The following DNAAF5 variants were observed in gnomAD, a reference collection of about 807,000 sequenced individuals.
The protein encoded by DNAAF5 is HEAT repeat containing 2.
In DNAAF5, 64 loss-of-function variants were observed where a neutral mutation model predicts 75.8. The observed-to-expected ratio is 0.84, with a 90% CI of 0.69 to 1.04. DNAAF5 has a LOEUF of 1.04. Among genes scored for constraint, DNAAF5 ranks in the 50% least tolerant of loss-of-function variants. The probability of loss-of-function intolerance (pLI) is 0.00; values close to 1 mark genes in which losing one functional copy is unlikely to be tolerated. For missense variants in DNAAF5, 1,269 were observed against 1,178.5 expected (o/e 1.08, Z -1.12); for synonymous variants, 657 against 557.2 (o/e 1.18, Z -2.52).
At chr7:774,406 G>GGGAGCCAGGCCGCGGGC (rs1294772701) in intron 10 of DNAAF5, among the ~76,000 whole-genome samples, 13 of 152,202 alleles carry the variant, frequency 8.5e-5, no homozygotes. Flanking sequence ...GCGGGAGAGC[G>GGGAGCCAGGCCGCGGGC]GGAGCCAGGC....
At chr7:785,119 G>A (rs367793185) in intron 12 of DNAAF5, among the ~76,000 whole-genome samples, 2 of 152,268 alleles carry the variant, frequency 1.3e-5, no homozygotes, top group East Asian at 3.9e-4. Context: ...CACTGGGACT[G>A]CCGTGCACGT....
intron 7 of DNAAF5, among the ~76,000 whole-genome samples, chr7:763,476 G>C (rs2128080948): frequency 6.6e-6 from 1 of 152,324 alleles, no homozygotes; most frequent in South Asian, 2.1e-4. Flanking sequence ...CACCACCTCA[G>C]AGGAGCCCTG....
chr7:749,149 C>T (rs1392184651), intron 4 of DNAAF5, among the ~76,000 whole-genome samples: 1 of 152,176 alleles, frequency 6.6e-6, no homozygotes, highest in Non-Finnish European at 1.5e-5. Context: ...CACCACTTAC[C>T]GTCCTCAAGT....
chr7:769,871 C>T (rs1394429668), intron 8 of DNAAF5, among the ~76,000 whole-genome samples: 3 of 152,184 alleles, frequency 2.0e-5, no homozygotes, highest in Non-Finnish European at 4.4e-5. Flanking sequence ...GAACTCCCGA[C>T]CTCAGGTGAC....
rs541470154 is a variant in DNAAF5, at chr7:768,680, G to C, written c.1784-1791G>C. On this transcript the variant is annotated intron_variant, in intron 8 of 12. Transcript: ENST00000297440. ...GGCAGAAGTGTCCGTGCTGCAAGCAGGAGCGCTCATGCTGGGAAGGCAGAC... is the reference window on the plus strand; with the variant it reads ...GGCAGAAGTGTCCGTGCTGCAAGCACGAGCGCTCATGCTGGGAAGGCAGAC... 1.5e-3 allele frequency: 245 copies of C among 161,314 alleles called. 2 individuals carry two copies. Among genetic ancestry groups the C allele is most frequent in the Admixed American group, 1.1e-3 (19 of 16,614 alleles). The allele number at this position is 161,314 out of a possible 1,614,324, so 10.0% of individuals were successfully genotyped here.
intron 1 of DNAAF5, among the ~76,000 whole-genome samples, chr7:728,168 C>T (rs1190723841): frequency 6.6e-6 from 1 of 152,144 alleles, no homozygotes; most frequent in Non-Finnish European, 1.5e-5. Flanking sequence ...CTTAGCTGGC[C>T]ATTCCTGCAG....
chr7:750,744 C>G (rs1782266647), intron 4 of DNAAF5: 2 of 159,734 alleles, frequency 1.3e-5, no homozygotes, highest in Admixed American at 1.3e-4. Context: ...CCCTGCCCAG[C>G]ACCGGCCAGT....
At chr7:751,335 A>G (rs997686762) in intron 4 of DNAAF5, among the ~76,000 whole-genome samples, 1 of 152,120 alleles carries the variant, frequency 6.6e-6, no homozygotes, top group African/African-American at 2.4e-5. Context: ...AGCTGTTCTT[A>G]TTAAAACATA....
chr7:750,142 T>G (rs2128076520), intron 4 of DNAAF5, among the ~76,000 whole-genome samples: 1 of 152,336 alleles, frequency 6.6e-6, no homozygotes, highest in South Asian at 2.1e-4. Context: ...TTCTCCTTTT[T>G]CTGTGTTTGG....
intron 11 of DNAAF5, among the ~76,000 whole-genome samples, chr7:776,801 C>T (rs1014354443): frequency 1.3e-5 from 2 of 152,240 alleles, no homozygotes; most frequent in Admixed American, 1.3e-4. Flanking sequence ...GGCCATGGGC[C>T]AGTACCTGTC....
rs778951643 is a variant in DNAAF5, at chr7:726,921, C to T, written c.201C>T (p.Thr67=). Residue 67 remains threonine (T), a synonymous_variant, in exon 1 of 13, where the codon ACC becomes ACT. Transcript: ENST00000297440. ...LEEPGPAADP[T]AFQGPWARLL... is the part of the protein sequence containing the mutation. ...AGCCAGGCCCTGCCGCCGACCCCAC[C>T]GCTTTCCAGGGCCCCTGGGCGCGCC... is the stretch of plus-strand genomic sequence containing the variant. The T allele has an allele frequency of 1.0e-5, 14 of 1,347,784 alleles. No individual in the cohort carries two copies. Among genetic ancestry groups the T allele is most frequent in the Non-Finnish European group, 1.2e-5 (13 of 1,047,452 alleles). 83.5% of individuals were successfully genotyped at this position (1,347,784 alleles called of 1,614,324 possible).
At chr7:744,443 G>T (rs377222208) in intron 4 of DNAAF5, among the ~76,000 whole-genome samples, 1 of 152,178 alleles carries the variant, frequency 6.6e-6, no homozygotes, top group East Asian at 1.9e-4. Context: ...ATAGTCCTTT[G>T]GGTATATACC....
rs1383375420 is a variant in DNAAF5 at position 754,585 on chromosome 7, C to G, written c.1025-4C>G. 2 of 1,600,182 alleles carry G rather than the reference C, an allele frequency of 1.2e-6. No individual in the cohort carries two copies. Among genetic ancestry groups the G allele is most frequent in the African/African-American group, 2.7e-5 (2 of 73,982 alleles). Reference sequence around the variant, plus strand: ...CTCATTCTTCTTTCCCTTTTTCGTTCCAGAGCGCCGCCCTGTGCTGGGCTG... The same window carrying G: ...CTCATTCTTCTTTCCCTTTTTCGTTGCAGAGCGCCGCCCTGTGCTGGGCTG... On this transcript the variant is annotated splice_polypyrimidine_tract_variant and splice_region_variant and intron_variant, in intron 4 of 12. Coordinates refer to ENST00000297440, the MANE Select transcript of DNAAF5 (RefSeq NM_017802.4). This position sits in a 1 kb window ranked among gnomAD's most constrained non-coding sequence, Gnocchi z 4.8.
At chr7:762,155 C>A (rs62432250) in intron 7 of DNAAF5, among the ~76,000 whole-genome samples, 1 of 152,064 alleles carries the variant, frequency 6.6e-6, no homozygotes, top group Non-Finnish European at 1.5e-5. Flanking sequence ...AGAAATAAGA[C>A]GTAACCTTTA....
At chr7:768,756 C>G (rs1014872118) in intron 8 of DNAAF5, 2 of 185,496 alleles carry the variant, frequency 1.1e-5, no homozygotes, top group Non-Finnish European at 2.3e-5. Flanking sequence ...GTGGCTCACC[C>G]GTCAGCGTGC....
Position 726,940 on chromosome 7 carries a change from G to A in DNAAF5, c.220G>A (p.Ala74Thr). The change falls in exon 1 of 13, where the codon GCG (alanine) becomes ACG (threonine). Residue 74 changes from alanine (A) to threonine (T), a missense_variant. Coordinates refer to ENST00000297440, the MANE Select transcript of DNAAF5 (RefSeq NM_017802.4). ...ADPTAFQGPWARLLLPRLLRC... is the reference protein window; with the variant it reads ...ADPTAFQGPWTRLLLPRLLRC... ...CCCCACCGCTTTCCAGGGCCCCTGGGCGCGCCTACTGCTGCCGCGCTTGCT... is the reference window on the plus strand; with the variant it reads ...CCCCACCGCTTTCCAGGGCCCCTGGACGCGCCTACTGCTGCCGCGCTTGCT... 4 of 1,340,196 alleles carry A rather than the reference G, an allele frequency of 3.0e-6. No homozygotes were observed. The highest frequency in any genetic ancestry group is 3.8e-6 in the Non-Finnish European group (4 of 1,042,460). The allele number at this position is 1,340,196 out of a possible 1,614,324, so 83.0% of individuals were successfully genotyped here.
chr7:781,936 C>T (rs548521451), intron 12 of DNAAF5, among the ~76,000 whole-genome samples: 29 of 152,382 alleles, frequency 1.9e-4, no homozygotes, highest in Non-Finnish European at 3.2e-4. Context: ...ATCCCGTACC[C>T]GCGGGCTGTC....
At chr7:739,295 C>T (rs561300927) in intron 2 of DNAAF5, among the ~76,000 whole-genome samples, 11 of 152,360 alleles carry the variant, frequency 7.2e-5, no homozygotes, top group South Asian at 4.1e-4. Flanking sequence ...TGGAGTTTGC[C>T]GCTCACCTGG....
chr7:742,819 CCCG>C (rs1781953723), intron 4 of DNAAF5, among the ~76,000 whole-genome samples: 2 of 143,352 alleles, frequency 1.4e-5, no homozygotes, highest in Non-Finnish European at 3.0e-5. Flanking sequence ...AATCACATGC[CCCG>C]CTCAAATCAA....
Sources: allele counts gnomAD v4.1 joint callset (sites outside exome capture counted in the v4.1 genomes callset), GRCh38; gene constraint gnomAD v4.1.1; non-coding constraint Gnocchi (gnomAD v3.1); transcripts MANE v1.5; gene names NCBI Gene and HGNC (gene_info 2026-07-23, HGNC 2026-07-21).